The following CDYL2 variants were observed in gnomAD, a reference collection of about 807,000 sequenced individuals.
The protein encoded by CDYL2 is chromodomain Y-like protein 2.
In CDYL2, 23 loss-of-function variants were observed where a neutral mutation model predicts 49.4. The ratio of observed to expected loss-of-function variants is 0.47; its 90% CI spans 0.34 to 0.66. The LOEUF (loss-of-function observed/expected upper bound fraction) is 0.66. Ranked by LOEUF, CDYL2 falls within the 30% of genes least tolerant of loss-of-function variation. CDYL2 has a pLI of 0.01. For missense variants in CDYL2, 678 were observed against 656.4 expected (o/e 1.03, Z -0.36); for synonymous variants, 360 against 268.8 (o/e 1.34, Z -3.32).
chr16:80,765,954 A>C (rs1906709835), intron 1 of CDYL2, among the ~76,000 whole-genome samples: 1 of 150,884 alleles, frequency 6.6e-6, no homozygotes. Context: ...CATTATGTTA[A>C]ATAGAAGAAA....
rs1366392739 is a variant in CDYL2 at position 80,679,040 on chromosome 16, C to T, written c.616+5498G>A. On this transcript the variant is annotated intron_variant, in intron 2 of 6. Coordinates refer to ENST00000570137, the MANE Select transcript of CDYL2 (RefSeq NM_152342.4). ...AAAAACCAAACACTGCATATTCTCA[C>T]TCATAGGTGGGAACTGAACAATGAG... is the stretch of plus-strand genomic sequence containing the variant. 2.1e-5 allele frequency among the ~76,000 whole-genome samples: 3 copies of T among 144,330 alleles called. No homozygotes were observed. In the East Asian group the frequency reaches 6.1e-4, roughly 29 times the overall value. 94.7% of individuals were successfully genotyped at this position (144,330 alleles called of 152,430 possible). A position where few individuals can be genotyped will look rare whatever the true frequency, so the allele number is the denominator to read the frequency against.
chr16:80,635,389 G>A (rs1470081417), intron 2 of CDYL2, among the ~76,000 whole-genome samples: 8 of 152,086 alleles, frequency 5.3e-5, no homozygotes, highest in Non-Finnish European at 8.8e-5. Flanking sequence ...CAAAATCAAC[G>A]TGCAAAAATC....
intron 3 of CDYL2, among the ~76,000 whole-genome samples, chr16:80,629,177 GT>G (rs1907440351): frequency 6.6e-6 from 1 of 152,132 alleles, no homozygotes; most frequent in African/African-American, 2.4e-5. Flanking sequence ...AGGGGTGTGT[GT>G]ATAAAGGGTT....
At chr16:80,669,539 C>A (rs17752269) in intron 2 of CDYL2, among the ~76,000 whole-genome samples, 90,685 of 151,690 alleles carry the variant, frequency 0.6, 27,716 homozygotes, top group Middle Eastern at 0.76. Context: ...CAGGTGTAAG[C>A]GTGGAGCCAT....
rs765071393 is a variant in CDYL2, at chr16:80,608,096, G to A, written c.1358C>T (p.Ala453Val). ...LRVKEMASCS[A>V]VVLEESKCLV... is the part of the protein sequence containing the mutation. ...GCAGGAGGCGCAGGAACTCACCACG[G>A]CACTGCAGGATGCCATCTCCTTGAC... Residue 453 changes from alanine to valine, a missense_variant, in exon 6 of 7, where the codon GCC becomes GTC. Coordinates refer to ENST00000570137, the MANE Select transcript of CDYL2 (RefSeq NM_152342.4). 5.1e-6 allele frequency: 8 copies of A among 1,582,262 alleles called. No homozygotes were observed. The highest frequency in any genetic ancestry group is 1.3e-5 in the African/African-American group (1 of 74,224).
intron 1 of CDYL2, among the ~76,000 whole-genome samples, chr16:80,802,977 C>A (rs73583955): frequency 0.25 from 37,353 of 152,088 alleles, 4,842 homozygotes; most frequent in African/African-American, 0.33. Context: ...ATTTATGTTC[C>A]GGGAAGTGCA....
intron 1 of CDYL2, among the ~76,000 whole-genome samples, 163 bp downstream of exon 1, chr16:80,803,987 C>A (rs1429626346): frequency 7.5e-6 from 1 of 133,728 alleles, no homozygotes; most frequent in Non-Finnish European, 1.6e-5. Context: ...GGGCGGGAGG[C>A]GCGCCCGGCC....
At chr16:80,702,643 G>C (rs868234705) in intron 1 of CDYL2, among the ~76,000 whole-genome samples, 1 of 152,124 alleles carries the variant, frequency 6.6e-6, no homozygotes, top group Non-Finnish European at 1.5e-5. Context: ...CCAGCTACTC[G>C]GGAGGCTGAG....
chr16:80,612,908 C>G lies in CDYL2; in HGVS notation c.1008-72G>C. 7.1e-7 allele frequency: 1 copy of G among 1,401,462 alleles called. No individual in the cohort carries two copies. 86.8% of individuals were successfully genotyped at this position (1,401,462 alleles called of 1,614,324 possible). On this transcript the variant is annotated intron_variant, in intron 4 of 6. Coordinates refer to ENST00000570137, the MANE Select transcript of CDYL2 (RefSeq NM_152342.4). This position sits in a 1 kb window ranked among gnomAD's most constrained non-coding sequence, Gnocchi z 5.0. ...AAGCCCCACTGGAACCCTTGACTCT[C>G]CCAGGTGCTGTGAGGAGCACCCTCA...
intron 1 of CDYL2, among the ~76,000 whole-genome samples, chr16:80,780,602 T>C (rs904298028): frequency 2.0e-5 from 3 of 151,998 alleles, no homozygotes; most frequent in Admixed American, 6.6e-5. Context: ...AGACGAGGTT[T>C]CACCGTGTTA....
chr16:80,749,251 T>C (rs565351597), intron 1 of CDYL2, among the ~76,000 whole-genome samples: 11 of 152,342 alleles, frequency 7.2e-5, no homozygotes, highest in African/African-American at 2.6e-4. Flanking sequence ...TAGCAATGTC[T>C]TATTTAGGGC....
chr16:80,675,988 T>C (rs1909727397), intron 2 of CDYL2, among the ~76,000 whole-genome samples: 1 of 152,134 alleles, frequency 6.6e-6, no homozygotes, highest in Non-Finnish European at 1.5e-5. Context: ...TGGTCAAGAC[T>C]CCATCATCCT....
chr16:80,700,526 C>G (rs1316868545), intron 1 of CDYL2, among the ~76,000 whole-genome samples: 2 of 152,058 alleles, frequency 1.3e-5, no homozygotes, highest in Non-Finnish European at 2.9e-5. Flanking sequence ...AATACAAATT[C>G]AAATAAATAA....
intron 3 of CDYL2, among the ~76,000 whole-genome samples, chr16:80,622,907 G>A (rs1173907912): frequency 6.6e-6 from 1 of 152,098 alleles, no homozygotes; most frequent in Admixed American, 6.5e-5. Context: ...ACTTGCCCAT[G>A]AGTACTTGCA....
intron 2 of CDYL2, among the ~76,000 whole-genome samples, chr16:80,669,453 G>T (rs952970923): frequency 6.6e-6 from 1 of 152,034 alleles, no homozygotes. Flanking sequence ...CCTCACTGCC[G>T]TCTTGTGGGG....
intron 1 of CDYL2, among the ~76,000 whole-genome samples, chr16:80,692,020 T>A (rs1910436208): frequency 6.6e-6 from 1 of 151,788 alleles, no homozygotes; most frequent in Non-Finnish European, 1.5e-5. Flanking sequence ...ACACAGAAAT[T>A]TTAAAGAAAG....
At chr16:80,696,132 G>A (rs983755804) in intron 1 of CDYL2, among the ~76,000 whole-genome samples, 1 of 152,142 alleles carries the variant, frequency 6.6e-6, no homozygotes, top group Non-Finnish European at 1.5e-5. Context: ...ATTAAGCAAT[G>A]CGTTCCTTAA....
rs201334189 is a variant in CDYL2 at position 80,608,966 on chromosome 16, A to G, written c.1219-731T>C. Among the ~76,000 whole-genome samples the G allele has an allele frequency of 1.2e-4, 18 of 152,304 alleles. No individual in the cohort carries two copies. In the East Asian group the frequency reaches 3.1e-3, roughly 26 times the overall value. On this transcript the variant is annotated intron_variant, in intron 5 of 6. Coordinates refer to ENST00000570137, the MANE Select transcript of CDYL2 (RefSeq NM_152342.4). ...AAGCACTTCCATCACTGGCAGCCAA[A>G]AAGGTCGTGAATAACACCACAATAC...
intron 2 of CDYL2, among the ~76,000 whole-genome samples, chr16:80,653,708 C>T (rs1008177813): frequency 1.3e-5 from 2 of 152,150 alleles, no homozygotes; most frequent in African/African-American, 4.8e-5. Flanking sequence ...AATCTAGTTA[C>T]ACTCTTTAAG....
Sources: allele counts gnomAD v4.1 joint callset (sites outside exome capture counted in the v4.1 genomes callset), GRCh38; gene constraint gnomAD v4.1.1; non-coding constraint Gnocchi (gnomAD v3.1); transcripts MANE v1.5; gene names NCBI Gene and HGNC (gene_info 2026-07-23, HGNC 2026-07-21).